Variants in OR2L13 observed in about 807,000 individuals in gnomAD.
OR2L13 encodes olfactory receptor family 2 subfamily L member 13.
In OR2L13, 14 loss-of-function variants were observed where a neutral mutation model predicts 15.3. That is an observed-to-expected ratio of 0.91 (90% CI 0.60 to 1.43). The LOEUF (loss-of-function observed/expected upper bound fraction) is 1.43, where lower values mean the gene tolerates loss of function less well. Ranked by LOEUF, OR2L13 falls within the 40% of genes most tolerant of loss-of-function variation. The probability of loss-of-function intolerance (pLI) is 0.00; values close to 1 mark genes in which losing one functional copy is unlikely to be tolerated. For missense variants in OR2L13, 367 were observed against 387.9 expected (o/e 0.95, Z 0.45); for synonymous variants, 152 against 142.9 (o/e 1.06, Z -0.45).
chr1:248,063,935 T>C, the OR2L13 span, among the ~76,000 whole-genome samples: 1 of 152,218 alleles, frequency 6.6e-6, no homozygotes, highest in Admixed American at 6.5e-5. Flanking sequence ...GTCCAGCTCT[T>C]CTGTCACATG....
chr1:248,088,153 G>A, the OR2L13 span, among the ~76,000 whole-genome samples: 103 of 151,954 alleles, frequency 6.8e-4, no homozygotes, highest in Non-Finnish European at 1.0e-3. Flanking sequence ...GTAGCAGAGC[G>A]GAAGAACTTT....
the OR2L13 span, among the ~76,000 whole-genome samples, chr1:248,070,183 C>T: frequency 1.3e-5 from 2 of 152,176 alleles, no homozygotes; most frequent in African/African-American, 4.8e-5. Context: ...TTTTTTTCAG[C>T]ACCACAACAC....
the OR2L13 span, among the ~76,000 whole-genome samples, chr1:248,081,385 G>A: frequency 3.3e-5 from 5 of 151,916 alleles, no homozygotes; most frequent in African/African-American, 4.8e-5. Flanking sequence ...AGTTCATTCC[G>A]TTTTTGTTGT....
At chr1:247,992,966 T>C in the OR2L13 span, among the ~76,000 whole-genome samples, 4 of 152,178 alleles carry the variant, frequency 2.6e-5, no homozygotes, top group African/African-American at 4.8e-5. Flanking sequence ...CCATAGTGGC[T>C]GGGCTAATTT....
At chr1:247,964,414 T>C in the OR2L13 span, among the ~76,000 whole-genome samples, 1 of 152,172 alleles carries the variant, frequency 6.6e-6, no homozygotes, top group African/African-American at 2.4e-5. Flanking sequence ...ATTCCAAATT[T>C]ACTAGAAAAT....
the OR2L13 span, among the ~76,000 whole-genome samples, chr1:248,037,410 A>C: frequency 6.6e-6 from 1 of 152,144 alleles, no homozygotes; most frequent in Non-Finnish European, 1.5e-5. Context: ...TATGCATTTA[A>C]TTTACCTTCC....
chr1:248,060,720 A>G, the OR2L13 span: 12 of 1,614,000 alleles, frequency 7.4e-6, no homozygotes, highest in Non-Finnish European at 9.3e-6. Flanking sequence ...ATTTCATCTT[A>G]TTAGGATTCT....
At chr1:248,066,673 C>T in the OR2L13 span, among the ~76,000 whole-genome samples, 2 of 152,164 alleles carry the variant, frequency 1.3e-5, no homozygotes, top group South Asian at 2.1e-4. Flanking sequence ...TTTTAAAATA[C>T]ATTTGTCTTC....
the OR2L13 span, among the ~76,000 whole-genome samples, chr1:248,048,543 T>C: frequency 6.6e-6 from 1 of 152,114 alleles, no homozygotes; most frequent in Non-Finnish European, 1.5e-5. Flanking sequence ...TAGACAAGTG[T>C]TGTCAATGTG....
chr1:247,984,291 A>G, the OR2L13 span, among the ~76,000 whole-genome samples: 1 of 151,682 alleles, frequency 6.6e-6, no homozygotes, highest in Non-Finnish European at 1.5e-5. Context: ...CGTGGCATTA[A>G]ATATGAGATC....
At chr1:248,031,569 T>C in the OR2L13 span, among the ~76,000 whole-genome samples, 1 of 152,170 alleles carries the variant, frequency 6.6e-6, no homozygotes, top group African/African-American at 2.4e-5. Context: ...TTGCTTCTGA[T>C]GTATTTTCTA....
the OR2L13 span, among the ~76,000 whole-genome samples, chr1:248,019,072 T>G: frequency 2.6e-5 from 4 of 152,190 alleles, no homozygotes; most frequent in African/African-American, 9.7e-5. Context: ...GCCTTTGGGG[T>G]ATTGTGATAA....
At chr1:248,068,031 G>T in the OR2L13 span, among the ~76,000 whole-genome samples, 1 of 152,312 alleles carries the variant, frequency 6.6e-6, no homozygotes, top group East Asian at 1.9e-4. Flanking sequence ...GCTCAAGGAG[G>T]CCTGCTTGCC....
the OR2L13 span, among the ~76,000 whole-genome samples, chr1:247,999,556 C>T: frequency 2.6e-5 from 4 of 152,148 alleles, no homozygotes; most frequent in Admixed American, 2.6e-4. Flanking sequence ...CCAGTTATTC[C>T]TATGTCAGTT....
the OR2L13 span, among the ~76,000 whole-genome samples, chr1:247,984,269 A>AATTAAT: frequency 1.3e-5 from 2 of 150,236 alleles, no homozygotes; most frequent in Non-Finnish European, 2.9e-5. Context: ...TAAATGAGGT[A>AATTAAT]GTCAGTTAAA....
chr1:247,965,586 C>T, the OR2L13 span: 1 of 1,591,668 alleles, frequency 6.3e-7, no homozygotes, highest in Non-Finnish European at 8.6e-7. Context: ...CCATCGTTGA[C>T]CTCATGTACA....
the OR2L13 span, among the ~76,000 whole-genome samples, chr1:247,988,649 T>A: frequency 2.0e-5 from 3 of 152,252 alleles, no homozygotes; most frequent in South Asian, 6.2e-4. Flanking sequence ...TGCTGACCTT[T>A]GGCTCTAAAA....
At chr1:248,083,515 ATATCT>A in the OR2L13 span, 2 of 786,344 alleles carry the variant, frequency 2.5e-6, no homozygotes, top group Non-Finnish European at 4.2e-6. Context: ...ATTCTTAAAA[ATATCT>A]TATTATATCA....
chr1:247,944,643 C>G, the OR2L13 span, among the ~76,000 whole-genome samples: 85 of 152,238 alleles, frequency 5.6e-4, no homozygotes, highest in Middle Eastern at 6.8e-3. Context: ...TGATCTTGTT[C>G]CTTTGTATGG....
Sources: gnomAD v4.1 joint callset for allele counts (sites outside exome capture counted in the v4.1 genomes callset) on GRCh38, gnomAD v4.1.1 for gene constraint, MANE v1.5 for transcripts, NCBI Gene and HGNC (gene_info 2026-07-23, HGNC 2026-07-21) for gene names.